The following DLG2 variants were observed in gnomAD, a reference collection of about 807,000 sequenced individuals.
DLG2 encodes disks large homolog 2.
DLG2 carries 45 observed loss-of-function variants against 132.5 expected under a neutral mutation model. The observed-to-expected ratio is 0.34, with a 90% CI of 0.27 to 0.44. The LOEUF (loss-of-function observed/expected upper bound fraction) is 0.44. Among genes scored for constraint, DLG2 ranks in the 20% least tolerant of loss-of-function variants. The pLI, the probability that DLG2 is intolerant of heterozygous loss-of-function variation, is 1.00. For synonymous variants in DLG2, 424 were observed against 419.6 expected (o/e 1.01, Z -0.13); for missense variants, 1,045 against 1,196.9 (o/e 0.87, Z 1.87).
chr11:83,636,378 G>T (rs985171385), intron 18 of DLG2, among the ~76,000 whole-genome samples: 3 of 152,054 alleles, frequency 2.0e-5, no homozygotes, highest in Non-Finnish European at 2.9e-5. Flanking sequence ...AATAAATGAG[G>T]GAGTAGAATA....
chr11:84,959,610 A>G (rs1037099394), intron 6 of DLG2, among the ~76,000 whole-genome samples: 1 of 152,238 alleles, frequency 6.6e-6, no homozygotes, highest in Non-Finnish European at 1.5e-5. Flanking sequence ...TTCTTAAAAA[A>G]ATAAAATAAT....
At chr11:83,902,526 A>C (rs12279522) in intron 15 of DLG2, among the ~76,000 whole-genome samples, 14,690 of 152,268 alleles carry the variant, frequency 0.096, 841 homozygotes, top group Middle Eastern at 0.2. Flanking sequence ...ATGATAAGTG[A>C]TTTTAAATCA....
intron 3 of DLG2, among the ~76,000 whole-genome samples, chr11:85,520,031 C>T (rs1004676483): frequency 2.0e-5 from 3 of 150,122 alleles, no homozygotes; most frequent in Non-Finnish European, 4.4e-5. Context: ...TGGACTAATG[C>T]ACCTGGCTAA....
chr11:83,845,262 T>A (rs868570257), intron 16 of DLG2, among the ~76,000 whole-genome samples: 2 of 152,144 alleles, frequency 1.3e-5, no homozygotes, highest in Non-Finnish European at 2.9e-5. Flanking sequence ...ATCAAAAAGA[T>A]CTTTTTAGTA....
intron 3 of DLG2, among the ~76,000 whole-genome samples, chr11:85,506,300 G>A (rs1360155651): frequency 6.6e-6 from 1 of 151,904 alleles, no homozygotes; most frequent in Non-Finnish European, 1.5e-5. Flanking sequence ...TCTTTTAATT[G>A]TGGTGTTAGG....
rs745385828 is a variant in DLG2 at position 84,163,428 on chromosome 11, TG to T, written c.624+32del. ...TAGAATAGAATGTGAAATGCAAGAT[TG>T]GGGCTTTGGATTTTTCAAAATTTTT... is the stretch of plus-strand genomic sequence containing the variant. On this transcript the variant is annotated intron_variant, in intron 9 of 27. Transcript: ENST00000376104. 3 of 1,562,728 alleles carry T rather than the reference TG, an allele frequency of 1.9e-6. No individual in the cohort carries two copies. The African/African-American group carries it at 4.1e-5, about 21-fold the overall frequency.
intron 18 of DLG2, among the ~76,000 whole-genome samples, chr11:83,694,687 A>G (rs1199487613): frequency 6.6e-6 from 1 of 152,238 alleles, no homozygotes. Context: ...ATGGAGCAGT[A>G]GCATTTTGAA....
At chr11:84,264,587 T>G (rs1008568966) in intron 7 of DLG2, among the ~76,000 whole-genome samples, 1 of 152,132 alleles carries the variant, frequency 6.6e-6, no homozygotes, top group East Asian at 1.9e-4. Context: ...CTGTCACAAG[T>G]TGGAGAGTGA....
At chr11:84,745,135 C>T (rs2065200643) in intron 6 of DLG2, among the ~76,000 whole-genome samples, 1 of 152,082 alleles carries the variant, frequency 6.6e-6, no homozygotes, top group Admixed American at 6.5e-5. Context: ...TACTCAAAAA[C>T]AATGTTTTCT....
intron 16 of DLG2, among the ~76,000 whole-genome samples, chr11:83,843,084 G>T (rs1312714237): frequency 6.6e-6 from 1 of 152,148 alleles, no homozygotes; most frequent in East Asian, 1.9e-4. Flanking sequence ...TTAGGATAAG[G>T]TCTAAACTTC....
At chr11:84,742,969 AT>A (rs1267758012) in intron 6 of DLG2, among the ~76,000 whole-genome samples, 1 of 152,038 alleles carries the variant, frequency 6.6e-6, no homozygotes, top group African/African-American at 2.4e-5. Context: ...AGCTGTTGTA[AT>A]TTTTTTCTTT....
chr11:84,504,546 G>T (rs1266375510), intron 7 of DLG2, among the ~76,000 whole-genome samples: 1 of 152,160 alleles, frequency 6.6e-6, no homozygotes, highest in Non-Finnish European at 1.5e-5. Context: ...AGATTGTGCT[G>T]ACCTAATTGC....
chr11:84,419,760 C>T (rs984634918), intron 7 of DLG2, among the ~76,000 whole-genome samples: 2 of 152,164 alleles, frequency 1.3e-5, no homozygotes, highest in Non-Finnish European at 2.9e-5. Flanking sequence ...TCGCAATTAG[C>T]CTGTGTCCTG....
intron 4 of DLG2, among the ~76,000 whole-genome samples, chr11:85,216,403 A>C (rs1445538167): frequency 6.6e-6 from 1 of 152,202 alleles, no homozygotes; most frequent in Non-Finnish European, 1.5e-5. Flanking sequence ...AGAAATATTT[A>C]ATGTCATTAA....
intron 3 of DLG2, among the ~76,000 whole-genome samples, chr11:85,460,578 G>C (rs1597510659): frequency 6.6e-6 from 1 of 152,156 alleles, no homozygotes; most frequent in Non-Finnish European, 1.5e-5. Context: ...TTTCCATCTA[G>C]ATGTTCCAGT....
chr11:85,387,249 A>G (rs2086421743), intron 3 of DLG2, among the ~76,000 whole-genome samples: 1 of 152,144 alleles, frequency 6.6e-6, no homozygotes. Context: ...ATTATTGCAA[A>G]TTGTACTCTA....
intron 3 of DLG2, among the ~76,000 whole-genome samples, chr11:85,332,280 G>T (rs2084734560): frequency 6.6e-6 from 1 of 152,114 alleles, no homozygotes; most frequent in African/African-American, 2.4e-5. Context: ...AGAAGTATCT[G>T]TTGATGTTCT....
chr11:84,468,660 T>G (rs2099100985), intron 7 of DLG2, among the ~76,000 whole-genome samples: 2 of 151,636 alleles, frequency 1.3e-5, no homozygotes, highest in African/African-American at 4.8e-5. Context: ...CAAGACATGC[T>G]TTAGATCTTA....
At chr11:85,237,898 C>A (rs2075671056) in intron 4 of DLG2, among the ~76,000 whole-genome samples, 1 of 152,058 alleles carries the variant, frequency 6.6e-6, no homozygotes, top group Non-Finnish European at 1.5e-5. Context: ...CCCTTCAAAG[C>A]AGCTTTATAA....
Sources: gnomAD v4.1 joint callset for allele counts (sites outside exome capture counted in the v4.1 genomes callset) on GRCh38, gnomAD v4.1.1 for gene constraint, MANE v1.5 for transcripts, NCBI Gene and HGNC (gene_info 2026-07-23, HGNC 2026-07-21) for gene names.